Variants in NCAM2 observed in about 807,000 individuals in gnomAD.
NCAM2 encodes the protein N-CAM-2.
A neutral mutation model predicts 98.1 loss-of-function variants in NCAM2; 30 were observed. That is an observed-to-expected ratio of 0.31 (90% CI 0.23 to 0.41). The LOEUF (loss-of-function observed/expected upper bound fraction) is 0.41, where lower values mean the gene tolerates loss of function less well. Ranked by LOEUF, NCAM2 falls within the 10% of genes least tolerant of loss-of-function variation. NCAM2 has a pLI of 1.00. For missense variants in NCAM2, 867 were observed against 1,005.8 expected (o/e 0.86, Z 1.87); for synonymous variants, 368 against 342.4 (o/e 1.07, Z -0.83).
chr21:21,365,256 TGTGTGTG>T (rs2075758282), intron 8 of NCAM2, among the ~76,000 whole-genome samples: 1 of 151,500 alleles, frequency 6.6e-6, no homozygotes, highest in African/African-American at 2.4e-5. Context: ...TGTGTGTGTG[TGTGTGTG>T]TGTGTGTGTA....
intron 1 of NCAM2, among the ~76,000 whole-genome samples, chr21:21,073,535 C>G (rs1417009110): frequency 6.6e-6 from 1 of 152,148 alleles, no homozygotes; most frequent in African/African-American, 2.4e-5. Context: ...TTATGCCTCA[C>G]TCATAACACA....
In NCAM2 at chr21:21,443,781, T is replaced by C. The variant is rs570960234; in HGVS notation, c.1654+11500T>C. Reference sequence around the variant, plus strand: ...GTCATTGTAAATTAATTTCCACTTATGCTTCAAGGTGTTTATCCTGCAGCA... The same window carrying C: ...GTCATTGTAAATTAATTTCCACTTACGCTTCAAGGTGTTTATCCTGCAGCA... On this transcript the variant is annotated intron_variant, in intron 12 of 17. Transcript: ENST00000400546. Among the ~76,000 whole-genome samples the C allele has an allele frequency of 3.5e-3, 540 of 152,300 alleles. 1 individual carries two copies. Among genetic ancestry groups the C allele is most frequent in the South Asian group, 0.018 (85 of 4,830 alleles).
intron 1 of NCAM2, among the ~76,000 whole-genome samples, chr21:21,026,511 G>T (rs993542708): frequency 1.3e-5 from 2 of 151,990 alleles, no homozygotes; most frequent in Admixed American, 6.6e-5. Flanking sequence ...TGTCATCCCA[G>T]CTACTCAGGA....
At chr21:21,308,266 A>G (rs2073944604) in intron 5 of NCAM2, among the ~76,000 whole-genome samples, 1 of 152,118 alleles carries the variant, frequency 6.6e-6, no homozygotes, top group African/African-American at 2.4e-5. Flanking sequence ...AAGTTCCCAG[A>G]TGCTTGAATG....
intron 1 of NCAM2, among the ~76,000 whole-genome samples, chr21:21,135,660 C>T (rs1274931144): frequency 6.6e-6 from 1 of 152,134 alleles, no homozygotes. Flanking sequence ...CTCTCACTAT[C>T]TCCACTATTT....
chr21:21,455,558 A>G (rs66525518), intron 12 of NCAM2, among the ~76,000 whole-genome samples: 31,571 of 151,828 alleles, frequency 0.21, 3,474 homozygotes, highest in African/African-American at 0.28. Context: ...TCCAGAAAAC[A>G]TGTTTTAAAA....
intron 1 of NCAM2, among the ~76,000 whole-genome samples, chr21:21,130,885 T>C (rs1275537187): frequency 3.9e-5 from 6 of 152,204 alleles, no homozygotes. Context: ...TTTTTCTAAA[T>C]TGGCCAAGCA....
intron 1 of NCAM2, among the ~76,000 whole-genome samples, chr21:21,079,827 T>A (rs2065755063): frequency 6.6e-6 from 1 of 152,230 alleles, no homozygotes; most frequent in African/African-American, 2.4e-5. Flanking sequence ...TGGGCAACAC[T>A]GTGCCTGTCA....
At chr21:21,396,989 C>T (rs1433377512) in intron 9 of NCAM2, among the ~76,000 whole-genome samples, 2 of 152,162 alleles carry the variant, frequency 1.3e-5, no homozygotes, top group African/African-American at 4.8e-5. Flanking sequence ...GTTCTTGTCT[C>T]ATGTCCAAGA....
chr21:21,001,170 G>C (rs544729423), intron 1 of NCAM2, among the ~76,000 whole-genome samples: 23 of 152,302 alleles, frequency 1.5e-4, no homozygotes, highest in African/African-American at 5.1e-4. Context: ...AGTTGAATAG[G>C]AGAAAATGAC....
intron 1 of NCAM2, among the ~76,000 whole-genome samples, chr21:21,175,230 T>C (rs575860769): frequency 3.3e-5 from 5 of 151,996 alleles, no homozygotes; most frequent in Admixed American, 2.6e-4. Context: ...CTGATGATGG[T>C]AGACTTGAAA....
At chr21:21,269,228 G>T (rs1183998856) in intron 1 of NCAM2, among the ~76,000 whole-genome samples, 1 of 151,994 alleles carries the variant, frequency 6.6e-6, no homozygotes, top group Non-Finnish European at 1.5e-5. Context: ...AATGTCCCTG[G>T]CTATAATATA....
chr21:21,280,733 T>C (rs2072899984), intron 2 of NCAM2, 81 bp downstream of exon 2: 2 of 901,932 alleles, frequency 2.2e-6, no homozygotes, highest in Non-Finnish European at 3.2e-6. Flanking sequence ...ATTTAACTAG[T>C]TAAAAACTCA....
intron 1 of NCAM2, among the ~76,000 whole-genome samples, chr21:21,172,767 T>C (rs1287930059): frequency 6.6e-6 from 1 of 152,152 alleles, no homozygotes; most frequent in Non-Finnish European, 1.5e-5. Flanking sequence ...ATTGGACACA[T>C]ATACTGCATC....
intron 1 of NCAM2, among the ~76,000 whole-genome samples, chr21:21,188,335 G>A (rs919172733): frequency 2.0e-5 from 3 of 152,140 alleles, no homozygotes; most frequent in Admixed American, 6.5e-5. Flanking sequence ...ATATGGAAGT[G>A]AGAACAAATT....
intron 1 of NCAM2, among the ~76,000 whole-genome samples, chr21:21,036,696 A>C (rs1368241232): frequency 6.6e-6 from 1 of 152,280 alleles, no homozygotes; most frequent in Non-Finnish European, 1.5e-5. Flanking sequence ...CTTGGGACCA[A>C]GTTTCCCTGG....
chr21:21,106,032 T>A (rs369240749), intron 1 of NCAM2, among the ~76,000 whole-genome samples: 3 of 152,068 alleles, frequency 2.0e-5, no homozygotes, highest in African/African-American at 7.2e-5. Context: ...TTATATTTCA[T>A]GGTATGTGTA....
intron 1 of NCAM2, among the ~76,000 whole-genome samples, chr21:21,139,376 G>T (rs754624155): frequency 7.2e-5 from 11 of 152,238 alleles, no homozygotes; most frequent in African/African-American, 1.2e-4. Flanking sequence ...AAGCCATCAG[G>T]TTTGTGGTAA....
intron 15 of NCAM2, among the ~76,000 whole-genome samples, chr21:21,489,601 C>A (rs566458065): frequency 6.6e-6 from 1 of 152,150 alleles, no homozygotes; most frequent in East Asian, 1.9e-4. Context: ...TTCAGCAAAT[C>A]TAATATATTG....
Sources: allele counts gnomAD v4.1 joint callset (sites outside exome capture counted in the v4.1 genomes callset), GRCh38; gene constraint gnomAD v4.1.1; transcripts MANE v1.5; gene names NCBI Gene and HGNC (gene_info 2026-07-23, HGNC 2026-07-21).